CPNE8: variants seen among roughly 807,000 people sequenced by gnomAD.
The protein encoded by CPNE8 is copine-8.
A neutral mutation model predicts 81.5 loss-of-function variants in CPNE8; 45 were observed. The ratio of observed to expected loss-of-function variants is 0.55; its 90% confidence interval spans 0.44 to 0.71. The LOEUF (loss-of-function observed/expected upper bound fraction) is 0.71. CPNE8 is among the 30% of genes least tolerant of loss of function. CPNE8 has a pLI of 0.00. For missense variants in CPNE8, 594 were observed against 672.1 expected, an observed-to-expected ratio of 0.88 and a Z score of 1.28; for synonymous variants, 252 against 226.3, an observed-to-expected ratio of 1.11 and a Z score of -1.02.
At chr12:38,743,951 A>C (rs971987286) in intron 10 of CPNE8, among the ~76,000 whole-genome samples, 1 of 152,182 alleles carries the variant, frequency 6.6e-6, no homozygotes, top group Non-Finnish European at 1.5e-5. Flanking sequence ...CAGATGAACA[A>C]CTATAAAATT....
At position 38,744,154 on chromosome 12, in the gene CPNE8, A is replaced by T. The variant is rs59445470; in HGVS notation, c.723-13796T>A. ...AGCCGGTTTTCACATAAAGGGAACCAGAGTAAAACACAGAGAGGTCTTGGA... is the reference window on the plus strand; with the variant it reads ...AGCCGGTTTTCACATAAAGGGAACCTGAGTAAAACACAGAGAGGTCTTGGA... On this transcript the variant is annotated intron_variant, in intron 10 of 19. Transcript: ENST00000331366. 4.4e-3 allele frequency among the ~76,000 whole-genome samples: 666 copies of T among 152,334 alleles called. 4 individuals carry two copies. Among genetic ancestry groups the T allele is most frequent in the African/African-American group, 0.015 (636 of 41,586 alleles).
At chr12:38,654,663 T>G (rs990494549) in intron 19 of CPNE8, among the ~76,000 whole-genome samples, 2 of 152,194 alleles carry the variant, frequency 1.3e-5, no homozygotes, top group African/African-American at 4.8e-5. Flanking sequence ...ATAGGCTTAT[T>G]ATGTTGCCAA....
chr12:38,679,433 A>G (rs553528959), intron 16 of CPNE8: 2 of 345,094 alleles, frequency 5.8e-6, no homozygotes, highest in African/African-American at 4.5e-5. Context: ...AATTCATAGA[A>G]ATTTTATACT....
At chr12:38,696,662 T>G (rs1014552842) in intron 14 of CPNE8, among the ~76,000 whole-genome samples, 2 of 152,202 alleles carry the variant, frequency 1.3e-5, no homozygotes, top group Admixed American at 6.5e-5. Flanking sequence ...AGAGATGTAC[T>G]ATACCTTTGT....
At chr12:38,796,665 A>G (rs1942483340) in intron 6 of CPNE8, among the ~76,000 whole-genome samples, 1 of 152,172 alleles carries the variant, frequency 6.6e-6, no homozygotes, top group Non-Finnish European at 1.5e-5. Flanking sequence ...TACCAGGTTC[A>G]TCTCACTAGG....
intron 19 of CPNE8, among the ~76,000 whole-genome samples, chr12:38,670,384 C>T (rs1448776444): frequency 6.6e-6 from 1 of 152,088 alleles, no homozygotes; most frequent in Admixed American, 6.6e-5. Flanking sequence ...TTTATATTCA[C>T]TTCCAGAGTA....
At chr12:38,852,581 A>C (rs187391152) in intron 3 of CPNE8, among the ~76,000 whole-genome samples, 1 of 152,266 alleles carries the variant, frequency 6.6e-6, no homozygotes, top group East Asian at 1.9e-4. Flanking sequence ...CAGCCTGGGC[A>C]ACAAGAGTGA....
At chr12:38,698,621 A>C (rs1201616155) in intron 14 of CPNE8, among the ~76,000 whole-genome samples, 1 of 152,180 alleles carries the variant, frequency 6.6e-6, no homozygotes, top group Non-Finnish European at 1.5e-5. Context: ...GCATGTGGCT[A>C]TCCAGTTGTC....
chr12:38,796,217 G>C (rs1432518309), intron 6 of CPNE8, among the ~76,000 whole-genome samples: 1 of 152,128 alleles, frequency 6.6e-6, no homozygotes, highest in Non-Finnish European at 1.5e-5. Flanking sequence ...AACTTGGGAG[G>C]CAGGAGTTGC....
intron 6 of CPNE8, among the ~76,000 whole-genome samples, chr12:38,779,922 A>T (rs1942010718): frequency 6.6e-6 from 1 of 152,124 alleles, no homozygotes. Flanking sequence ...AGGATTATAA[A>T]AAATAAGCAA....
At chr12:38,859,535 A>G (rs1943798514) in intron 3 of CPNE8, among the ~76,000 whole-genome samples, 3 of 152,160 alleles carry the variant, frequency 2.0e-5, no homozygotes. Flanking sequence ...AATAATTATC[A>G]AAATCCTAAT....
chr12:38,789,164 AC>A (rs1171225030), intron 6 of CPNE8, among the ~76,000 whole-genome samples: 1 of 152,004 alleles, frequency 6.6e-6, no homozygotes, highest in East Asian at 1.9e-4. Flanking sequence ...AGCAAAAAGA[AC>A]AAAACTGGAG....
intron 4 of CPNE8, among the ~76,000 whole-genome samples, chr12:38,844,910 A>G (rs559568315): frequency 8.3e-4 from 127 of 152,324 alleles, no homozygotes; most frequent in African/African-American, 2.9e-3. Context: ...TCTGTTGGTC[A>G]ATTTACACTA....
rs574258574 is a variant in CPNE8 at position 38,677,704 on chromosome 12, CA to C, written c.1272-151del. 214 of 593,762 alleles carry C rather than the reference CA, an allele frequency of 3.6e-4. 2 individuals are homozygous for C. Among genetic ancestry groups the C allele is most frequent in the African/African-American group, 3.4e-3 (181 of 53,892 alleles). The allele number at this position is 593,762 out of a possible 1,614,324, so 36.8% of individuals were successfully genotyped here. ...TATCTTATGCAAACTTTCAAATACA[CA>C]ATTATCTGAAATAACACACTAGAAC... is the stretch of plus-strand genomic sequence containing the variant. On this transcript the variant is annotated intron_variant, in intron 16 of 19. Transcript: ENST00000331366.
At chr12:38,774,889 G>A (rs1464712408) in intron 7 of CPNE8, among the ~76,000 whole-genome samples, 6 of 152,026 alleles carry the variant, frequency 3.9e-5, no homozygotes, top group South Asian at 4.1e-4. Flanking sequence ...CAATTTACAT[G>A]TTTTTTAAAT....
intron 6 of CPNE8, among the ~76,000 whole-genome samples, chr12:38,799,421 C>T (rs988774621): frequency 1.3e-5 from 2 of 152,092 alleles, no homozygotes; most frequent in African/African-American, 4.8e-5. Flanking sequence ...TACATGGAAA[C>T]TGAACAACCT....
At chr12:38,753,048 T>G (rs1244998573) in intron 10 of CPNE8, among the ~76,000 whole-genome samples, 1 of 152,146 alleles carries the variant, frequency 6.6e-6, no homozygotes, top group East Asian at 1.9e-4. Flanking sequence ...TTACTCACTA[T>G]CTGAAGTTTC....
intron 6 of CPNE8, among the ~76,000 whole-genome samples, chr12:38,780,501 A>G (rs1942027154): frequency 6.6e-6 from 1 of 152,144 alleles, no homozygotes; most frequent in Non-Finnish European, 1.5e-5. Context: ...AAGCTCAGTG[A>G]ATCCCAAGCA....
chr12:38,844,686 C>T (rs1349301704), intron 4 of CPNE8, among the ~76,000 whole-genome samples: 1 of 151,976 alleles, frequency 6.6e-6, no homozygotes, highest in Non-Finnish European at 1.5e-5. Flanking sequence ...AATAAGTTGT[C>T]TCTATCTCTT....
Sources: allele counts gnomAD v4.1 joint callset (sites outside exome capture counted in the v4.1 genomes callset), GRCh38; gene constraint gnomAD v4.1.1; transcripts MANE v1.5; gene names NCBI Gene and HGNC (gene_info 2026-07-23, HGNC 2026-07-21).